Variants in ARHGAP33 observed in about 807,000 individuals in gnomAD.
The protein encoded by ARHGAP33 is Rho GTPase activating protein 33, also known as rho GTPase-activating protein 33.
ARHGAP33 carries 57 observed loss-of-function variants against 126.2 expected under a neutral mutation model. The ratio of observed to expected loss-of-function variants is 0.45; its 90% CI spans 0.36 to 0.56. The LOEUF is 0.56. ARHGAP33 is among the 20% of genes least tolerant of loss of function. ARHGAP33 has a pLI of 0.00. For missense variants in ARHGAP33, 1,500 were observed against 1,748.3 expected (o/e 0.86, Z 2.53); for synonymous variants, 711 against 755.0 (o/e 0.94, Z 0.95).
Position 35,787,340 on chromosome 19 carries a change from T to A in ARHGAP33, c.2775T>A (p.Pro925=), listed in dbSNP as rs1458573493. 1.9e-6 allele frequency: 3 copies of A among 1,611,390 alleles called. No homozygotes were observed. Among genetic ancestry groups the A allele is most frequent in the South Asian group, 2.2e-5 (2 of 90,956 alleles). The change falls in exon 21 of 21, where the codon CCT becomes CCA. Residue 925 remains proline, a synonymous_variant. Coordinates refer to ENST00000007510, the MANE Select transcript of ARHGAP33 (RefSeq NM_001366178.1). ...AGCAGGAGTGTGGGGGCACCCCACC[T>A]GCTTCCCAATCCCCCTTCCACCGCT... ...QSQQECGGTP[P]ASQSPFHRSL...
rs1002488282 is a variant in ARHGAP33 at position 35,784,301 on chromosome 19, C to T, written c.1551C>T (p.Ala517=). 5.7e-6 allele frequency: 9 copies of T among 1,585,974 alleles called. No homozygotes were observed. Among genetic ancestry groups the T allele is most frequent in the African/African-American group, 2.7e-5 (2 of 73,964 alleles). The change falls in exon 16 of 21, where the codon GCC becomes GCT. Residue 517 remains alanine, a synonymous_variant. Transcript: ENST00000007510. The part of the protein sequence containing the change: ...DVLFSDTFTS[A]GLDPAGRCLL... Reference sequence around the variant, plus strand: ...TGTTCAGCGACACCTTCACCTCCGCCGGCCTCGACCCTGCAGGTATGCCCT... The same window carrying T: ...TGTTCAGCGACACCTTCACCTCCGCTGGCCTCGACCCTGCAGGTATGCCCT...
At position 35,788,380 on chromosome 19, in the gene ARHGAP33, C is replaced by G; in HGVS notation, c.3815C>G (p.Thr1272Ser). 3 of 1,588,862 alleles carry G rather than the reference C, an allele frequency of 1.9e-6. No homozygotes were observed. Among genetic ancestry groups the G allele is most frequent in the African/African-American group, 1.3e-5 (1 of 74,524 alleles). The change falls in exon 21 of 21, where the codon ACT (threonine) becomes AGT (serine). Residue 1272 changes from threonine (T) to serine (S), a missense_variant. Physicochemically the swap from Thr to Ser is moderately conservative, Grantham distance 58. This residue lies in a region of ARHGAP33 where 642 missense variants were observed against 634.0 expected (regional missense o/e 1.01). Transcript: ENST00000007510. ...EGAGPPPPYP[T>S]PSWSLHSEGQ... ...GCTGGTCCCCCACCCCCTTACCCCA[C>G]TCCCAGCTGGTCCCTCCACTCTGAG...
rs1463312587 is a variant in ARHGAP33, at chr19:35,782,018, C to T, written c.1086-355C>T. ...GGCCCCACCAGAGAATTGGGAGTAG[C>T]AGGGTGCTGGGATTTTGTCCACATT... On this transcript the variant is annotated intron_variant, in intron 12 of 20. Coordinates refer to ENST00000007510, the MANE Select transcript of ARHGAP33 (RefSeq NM_001366178.1). This position sits in a 1 kb window ranked among gnomAD's most constrained non-coding sequence, Gnocchi z 4.1. Among the ~76,000 whole-genome samples, 4 of 152,114 alleles carry T rather than the reference C, an allele frequency of 2.6e-5. No individual in the cohort carries two copies. Among genetic ancestry groups the T allele is most frequent in the Admixed American group, 2.6e-4 (4 of 15,284 alleles).
At chr19:35,777,593 G>T in intron 1 of ARHGAP33, 52 bp from the exon 2 acceptor site, 3 of 1,457,738 alleles carry the variant, frequency 2.1e-6, no homozygotes, top group Non-Finnish European at 1.9e-6. Flanking sequence ...CAATGCTCTC[G>T]TTGTCTCTTT....
rs950088014 is a variant in ARHGAP33 at position 35,786,608 on chromosome 19, G to A, written c.2138G>A (p.Arg713His). ...LGALSGSPSH[R>H]TSAWLDDGDE... ...GCACTCTCTGGGTCTCCCTCACACC[G>A]TACCTCAGCCTGGCTAGATGATGGT... The change falls in exon 20 of 21, where the codon CGT (arginine) becomes CAT (histidine). Residue 713 changes from arginine to histidine, a missense_variant. By Grantham distance (29) the Arg-to-His change is conservative. Coordinates refer to ENST00000007510, the MANE Select transcript of ARHGAP33 (RefSeq NM_001366178.1). The surrounding 1 kb of genome is among the most constrained non-coding windows in gnomAD (Gnocchi z 7.0). 23 of 1,535,648 alleles carry A rather than the reference G, an allele frequency of 1.5e-5. No homozygotes were observed. Among genetic ancestry groups the A allele is most frequent in the Middle Eastern group, 1.7e-4 (1 of 5,972 alleles).
rs1972037096 is a variant in ARHGAP33 at position 35,785,111 on chromosome 19, G to A, written c.1721+5G>A. ...CCCGGCCTCACCTGCGGAAAGGTGA[G>A]TGGGATGCTGGGGGTGGCGAGGGGC... is the stretch of plus-strand genomic sequence containing the variant. On this transcript the variant is annotated splice_donor_5th_base_variant and intron_variant, in intron 17 of 20. Transcript: ENST00000007510. 6.3e-7 allele frequency: 1 copy of A among 1,591,916 alleles called. No individual in the cohort carries two copies. Among genetic ancestry groups the A allele is most frequent in the African/African-American group, 1.3e-5 (1 of 74,678 alleles).
Position 35,788,754 on chromosome 19 carries a change from T to G in ARHGAP33, c.*325T>G. 2 of 277,042 alleles carry G rather than the reference T, an allele frequency of 7.2e-6. No homozygotes were observed. The highest frequency in any genetic ancestry group is 6.5e-5 in the East Asian group (1 of 15,478). 17.2% of individuals were successfully genotyped at this position (277,042 alleles called of 1,614,324 possible). ...TGCACGGGGATGGGGGGACAACTCC[T>G]ACCCTTCTTTCCCCACATGCCCCAC... On this transcript the variant is annotated 3_prime_UTR_variant, in exon 21 of 21. Coordinates refer to ENST00000007510, the MANE Select transcript of ARHGAP33 (RefSeq NM_001366178.1).
At position 35,785,109 on chromosome 19, in the gene ARHGAP33, G is replaced by T; in HGVS notation, c.1721+3G>T. ...GCCCCGGCCTCACCTGCGGAAAGGT[G>T]AGTGGGATGCTGGGGGTGGCGAGGG... On this transcript the variant is annotated splice_donor_region_variant and intron_variant, in intron 17 of 20. Coordinates refer to ENST00000007510, the MANE Select transcript of ARHGAP33 (RefSeq NM_001366178.1). 1 of 1,592,058 alleles carries T rather than the reference G, an allele frequency of 6.3e-7. No homozygotes were observed. The highest frequency in any genetic ancestry group is 1.1e-5 in the South Asian group (1 of 89,270).
Position 35,787,042 on chromosome 19 carries a change from A to G in ARHGAP33, c.2572A>G (p.Ser858Gly), listed in dbSNP as rs572733423. The G allele has an allele frequency of 1.3e-5, 21 of 1,607,560 alleles. No individual in the cohort carries two copies. In the East Asian group the frequency reaches 4.7e-4, roughly 36 times the overall value. ...TGACGCCTGCCAGCAGGAGATGTGC[A>G]GCAAGCTCCGGGGAGCCCAGGGCCC... ...LTDACQQEMCSKLRGAQGPLG... is the reference protein window; with the variant it reads ...LTDACQQEMCGKLRGAQGPLG... The change falls in exon 20 of 21, where the codon AGC (serine) becomes GGC (glycine). Residue 858 changes from serine to glycine, a missense_variant. Ser to Gly is a moderately conservative substitution (Grantham distance 56). Transcript: ENST00000007510.
Position 35,784,139 on chromosome 19 carries a change from G to C in ARHGAP33, c.1422-33G>C, listed in dbSNP as rs764542448. ...CCAGAACCTGCTGGCTGGGCTCAAG[G>C]CACCCAGCCTCCCTCCCGCTCCTCC... On this transcript the variant is annotated intron_variant, in intron 15 of 20. Coordinates refer to ENST00000007510, the MANE Select transcript of ARHGAP33 (RefSeq NM_001366178.1). 2.5e-6 allele frequency: 4 copies of C among 1,587,396 alleles called. No homozygotes were observed. The African/African-American group carries it at 5.4e-5, about 21-fold the overall frequency.
Position 35,787,941 on chromosome 19 carries a change from C to T in ARHGAP33, c.3376C>T (p.Pro1126Ser), listed in dbSNP as rs755791287. 6 of 1,314,930 alleles carry T rather than the reference C, an allele frequency of 4.6e-6. No individual in the cohort carries two copies. Among genetic ancestry groups the T allele is most frequent in the Non-Finnish European group, 6.1e-6 (6 of 975,656 alleles). The allele number at this position is 1,314,930 out of a possible 1,614,324, so 81.5% of individuals were successfully genotyped here. A position where few individuals can be genotyped will look rare whatever the true frequency, so the allele number is the denominator to read the frequency against. Reference sequence around the variant, plus strand: ...CTCCTACGGCATGCTTGGCCAATCACCCCCACTCCACAGGTCCCCCGACTT... The same window carrying T: ...CTCCTACGGCATGCTTGGCCAATCATCCCCACTCCACAGGTCCCCCGACTT... ...NASYGMLGQS[P>S]PLHRSPDFLL... Residue 1126 changes from proline to serine, a missense_variant, in exon 21 of 21, where the codon CCC (proline) becomes TCC (serine). Around this residue, in one of 6 missense-constraint regions of ARHGAP33, gnomAD observed 642 missense variants for 634.0 expected, o/e 1.01. Coordinates refer to ENST00000007510, the MANE Select transcript of ARHGAP33 (RefSeq NM_001366178.1).
Position 35,785,494 on chromosome 19 carries a change from C to CG in ARHGAP33, c.1942+14dup, listed in dbSNP as rs1568431030. On this transcript the variant is annotated intron_variant, in intron 19 of 20. Coordinates refer to ENST00000007510, the MANE Select transcript of ARHGAP33 (RefSeq NM_001366178.1). ...AGGCCAGCGGGGCTGGTGAGCAAGG[C>CG]GGGCAATTGGGGGGCGCTACCTGTG... 3 of 1,613,988 alleles carry CG rather than the reference C, an allele frequency of 1.9e-6. No homozygotes were observed. The African/African-American group carries it at 4.0e-5, about 22-fold the overall frequency.
chr19:35,786,701 C>A lies in ARHGAP33; in HGVS notation c.2231C>A (p.Thr744Asn), dbSNP rs920606896. Residue 744 changes from threonine (T) to asparagine (N), a missense_variant, in exon 20 of 21, where the codon ACC becomes AAC. Physicochemically the swap from Thr to Asn is moderately conservative, Grantham distance 65 (BLOSUM62 0). Transcript: ENST00000007510. This position sits in a 1 kb window ranked among gnomAD's most constrained non-coding sequence, Gnocchi z 7.0. Reference sequence around the variant, plus strand: ...CGGGGGCTGGACTTTGATCCCTTAACCTTCCGCTGCAGCAGCCCCACCCCA... The same window carrying A: ...CGGGGGCTGGACTTTGATCCCTTAAACTTCCGCTGCAGCAGCCCCACCCCA... The part of the protein sequence containing the change: ...GLRGLDFDPL[T>N]FRCSSPTPGD... 1.3e-6 allele frequency: 2 copies of A among 1,535,198 alleles called. No homozygotes were observed. Among genetic ancestry groups the A allele is most frequent in the Non-Finnish European group, 1.7e-6 (2 of 1,146,464 alleles).
In ARHGAP33 at chr19:35,781,231, C is replaced by G; in HGVS notation, c.1064C>G (p.Ser355Cys). The change falls in exon 12 of 21, where the codon TCT (serine) becomes TGT (cysteine). Residue 355 changes from serine (S) to cysteine (C), a missense_variant. Around this residue, in one of 6 missense-constraint regions of ARHGAP33, gnomAD observed 281 missense variants for 413.7 expected, o/e 0.68. Coordinates refer to ENST00000007510, the MANE Select transcript of ARHGAP33 (RefSeq NM_001366178.1). ...GGGATCTACCGGCTCTCAGGCGTGTCTTCCAACATCCAGAGGCTTCGGTGA... is the reference window on the plus strand; with the variant it reads ...GGGATCTACCGGCTCTCAGGCGTGTGTTCCAACATCCAGAGGCTTCGGTGA... The part of the protein sequence containing the change: ...VDGIYRLSGV[S>C]SNIQRLRHEF... 3 of 1,614,182 alleles carry G rather than the reference C, an allele frequency of 1.9e-6. No individual in the cohort carries two copies. The highest frequency in any genetic ancestry group is 2.5e-6 in the Non-Finnish European group (3 of 1,180,030).
At position 35,784,750 on chromosome 19, in the gene ARHGAP33, T is replaced by C. The variant is rs540565904; in HGVS notation, c.1568-203T>C. 9.4e-4 allele frequency: 1,271 copies of C among 1,351,682 alleles called. 1 individual carries two copies. Among genetic ancestry groups the C allele is most frequent in the Non-Finnish European group, 1.2e-3 (1,220 of 1,059,354 alleles). 83.7% of individuals were successfully genotyped at this position (1,351,682 alleles called of 1,614,324 possible). The stretch of plus-strand genomic sequence containing the variant: ...GCTGCCCTCGCTGGCTGCCGGGAGC[T>C]GCCTCCTCATCAGCTCGTCCCGCCC... On this transcript the variant is annotated intron_variant, in intron 16 of 20. Coordinates refer to ENST00000007510, the MANE Select transcript of ARHGAP33 (RefSeq NM_001366178.1).
chr19:35,779,641 C>T (rs1461513696), intron 6 of ARHGAP33, among the ~76,000 whole-genome samples: 1 of 151,596 alleles, frequency 6.6e-6, no homozygotes, highest in Non-Finnish European at 1.5e-5. Flanking sequence ...GTTGGTCAGA[C>T]TGGTCTCAAA....
In ARHGAP33 at chr19:35,786,440, G is replaced by T. The variant is rs773950859; in HGVS notation, c.1970G>T (p.Arg657Leu). The T allele has an allele frequency of 1.3e-6, 2 of 1,535,006 alleles. No individual in the cohort carries two copies. Among genetic ancestry groups the T allele is most frequent in the Non-Finnish European group, 1.7e-6 (2 of 1,146,240 alleles). Reference sequence around the variant, plus strand: ...CTCCAGAGGCTGCACAGGCTGCGGCGACCCCACTCCAGCAGCGACGCTTTC... The same window carrying T: ...CTCCAGAGGCTGCACAGGCTGCGGCTACCCCACTCCAGCAGCGACGCTTTC... Reference protein sequence around the residue: ...AGLQRLHRLRRPHSSSDAFPV... With the variant: ...AGLQRLHRLRLPHSSSDAFPV... The change falls in exon 20 of 21, where the codon CGA (arginine) becomes CTA (leucine). Residue 657 changes from arginine to leucine, a missense_variant. Around this residue, in one of 6 missense-constraint regions of ARHGAP33, gnomAD observed 300 missense variants for 291.1 expected, o/e 1.03. Transcript: ENST00000007510. The surrounding 1 kb of genome is among the most constrained non-coding windows in gnomAD (Gnocchi z 7.0).
chr19:35,787,780 C>T lies in ARHGAP33; in HGVS notation c.3215C>T (p.Ser1072Phe), dbSNP rs1972200691. The change falls in exon 21 of 21, where the codon TCT becomes TTT. Residue 1072 changes from serine to phenylalanine, a missense_variant. This residue lies in a region of ARHGAP33 where 642 missense variants were observed against 634.0 expected (regional missense o/e 1.01). Transcript: ENST00000007510. ...PSSPAPVWRS[S>F]LGPPAPLDRG... ...TCCCCAGCCCCAGTCTGGAGGAGCT[C>T]TCTGGGCCCCCCTGCACCACTCGAC... 2.5e-6 allele frequency: 4 copies of T among 1,582,938 alleles called. No homozygotes were observed. In the South Asian group the frequency reaches 3.5e-5, roughly 14 times the overall value.
chr19:35,786,930 C>A lies in ARHGAP33; in HGVS notation c.2460C>A (p.Ala820=). 1 of 1,610,912 alleles carries A rather than the reference C, an allele frequency of 6.2e-7. No individual in the cohort carries two copies. Among genetic ancestry groups the A allele is most frequent in the Non-Finnish European group, 8.5e-7 (1 of 1,179,594 alleles). ...LLGAGGAPAS[A]TPTPALSPGR... is the part of the protein sequence containing the mutation. ...GGGCTGGGGGAGCACCTGCCTCAGC[C>A]ACCCCAACACCAGCTCTCAGCCCCG... Residue 820 remains alanine, a synonymous_variant, in exon 20 of 21, where the codon GCC becomes GCA. Coordinates refer to ENST00000007510, the MANE Select transcript of ARHGAP33 (RefSeq NM_001366178.1). The surrounding 1 kb of genome is among the most constrained non-coding windows in gnomAD (Gnocchi z 7.0).
Sources: gnomAD v4.1 joint callset for allele counts (sites outside exome capture counted in the v4.1 genomes callset) on GRCh38, gnomAD v4.1.1 for gene constraint, gnomAD v4.1.1 regional missense constraint, Gnocchi (gnomAD v3.1) non-coding constraint, MANE v1.5 for transcripts, NCBI Gene and HGNC (gene_info 2026-07-23, HGNC 2026-07-21) for gene names.